The following ATF7IP variants were observed in gnomAD, a reference collection of about 807,000 sequenced individuals.
The protein encoded by ATF7IP is activating transcription factor 7-interacting protein 1.
ATF7IP carries 23 observed loss-of-function variants against 106.4 expected under a neutral mutation model. The observed-to-expected ratio is 0.22, with a 90% CI of 0.16 to 0.31. ATF7IP has a LOEUF of 0.31. Ranked by LOEUF, ATF7IP falls within the 10% of genes least tolerant of loss-of-function variation. ATF7IP has a pLI of 1.00. For missense variants in ATF7IP, 1,334 were observed against 1,524.3 expected (o/e 0.88, Z 2.08); for synonymous variants, 542 against 539.0 (o/e 1.01, Z -0.08).
chr12:14,469,362 CAAAAAAA>C (rs35509274), intron 10 of ATF7IP, among the ~76,000 whole-genome samples: 1 of 88,418 alleles, frequency 1.1e-5, no homozygotes, highest in Non-Finnish European at 2.2e-5. Flanking sequence ...GAGACTGTCT[CAAAAAAA>C]AAAAAAAAAA....
At chr12:14,386,507 G>C (rs1161272449) in intron 1 of ATF7IP, among the ~76,000 whole-genome samples, 1 of 152,098 alleles carries the variant, frequency 6.6e-6, no homozygotes, top group African/African-American at 2.4e-5. Flanking sequence ...TCTGAGTAGA[G>C]CAGCTTTCTA....
chr12:14,367,508 C>G (rs1037439279), intron 1 of ATF7IP: 4 of 152,058 alleles, frequency 2.6e-5, no homozygotes, highest in Non-Finnish European at 5.9e-5. Context: ...CCCCTTTCTA[C>G]CACATGCTAT....
intron 9 of ATF7IP, 102 bp downstream of exon 9, chr12:14,461,235 A>C: frequency 9.6e-7 from 1 of 1,038,562 alleles, no homozygotes; most frequent in East Asian, 2.6e-5. Flanking sequence ...TTGGAAGTAC[A>C]AAATAAATAG....
At chr12:14,425,565 C>T (rs186643440) in intron 2 of ATF7IP, 92 bp downstream of exon 2, 5 of 1,318,900 alleles carry the variant, frequency 3.8e-6, no homozygotes, top group Non-Finnish European at 5.0e-6. Flanking sequence ...TTTATTTTAG[C>T]TGCAGAGAAA....
chr12:14,443,997 C>G (rs891679735), intron 5 of ATF7IP, among the ~76,000 whole-genome samples: 1 of 151,712 alleles, frequency 6.6e-6, no homozygotes, highest in African/African-American at 2.4e-5. Context: ...AGGACAGAAC[C>G]AGAAAACAGG....
intron 1 of ATF7IP, chr12:14,385,368 TGAG>T: frequency 6.5e-7 from 1 of 1,533,578 alleles, no homozygotes; most frequent in Non-Finnish European, 8.7e-7. Flanking sequence ...AGTATGTCAG[TGAG>T]GAGACTTGTC....
chr12:14,470,841 GATA>G (rs1159402424), intron 10 of ATF7IP, among the ~76,000 whole-genome samples: 2 of 152,096 alleles, frequency 1.3e-5, no homozygotes, highest in Admixed American at 1.3e-4. Context: ...TGTAGTATAT[GATA>G]ATAAATTGTA....
intron 1 of ATF7IP, among the ~76,000 whole-genome samples, chr12:14,375,274 A>C (rs530830312): frequency 6.6e-6 from 1 of 151,984 alleles, no homozygotes; most frequent in African/African-American, 2.4e-5. Context: ...ATGAATTGTC[A>C]TGGGAAGATT....
At chr12:14,428,100 G>A (rs923938229) in intron 2 of ATF7IP, among the ~76,000 whole-genome samples, 2 of 151,908 alleles carry the variant, frequency 1.3e-5, no homozygotes, top group Non-Finnish European at 2.9e-5. Context: ...ACAGAGTGTG[G>A]CACTAGGCCA....
At chr12:14,490,911 C>T (rs1042938378) in intron 13 of ATF7IP, among the ~76,000 whole-genome samples, 9 of 152,184 alleles carry the variant, frequency 5.9e-5, no homozygotes, top group African/African-American at 2.2e-4. Context: ...TCTCAGGTGA[C>T]TTGATGACCC....
intron 14 of ATF7IP, among the ~76,000 whole-genome samples, chr12:14,496,660 GT>G (rs1246971297): frequency 3.3e-5 from 5 of 152,160 alleles, no homozygotes; most frequent in Non-Finnish European, 5.9e-5. Flanking sequence ...ATTTCTCCAT[GT>G]GTTAATTTTA....
chr12:14,422,537 T>G (rs1356756936), intron 1 of ATF7IP, among the ~76,000 whole-genome samples: 2 of 152,190 alleles, frequency 1.3e-5, no homozygotes, highest in Non-Finnish European at 2.9e-5. Context: ...TCCTGTACCC[T>G]TTAGCAGCTA....
In ATF7IP at chr12:14,466,518, C is replaced by G; in HGVS notation, c.2798-8C>G. The stretch of plus-strand genomic sequence containing the variant: ...ATGTTTTTAAAAATGGCTTTTTTTA[C>G]TTTTCAGAAAACCAGACAAACAAAA... On this transcript the variant is annotated splice_region_variant and splice_polypyrimidine_tract_variant and intron_variant, in intron 9 of 14. Transcript: ENST00000261168. 6.3e-7 allele frequency: 1 copy of G among 1,595,830 alleles called. No homozygotes were observed. Among genetic ancestry groups the G allele is most frequent in the Non-Finnish European group, 8.5e-7 (1 of 1,174,228 alleles).
intron 1 of ATF7IP, among the ~76,000 whole-genome samples, chr12:14,409,974 C>T (rs906363382): frequency 1.3e-5 from 2 of 152,006 alleles, no homozygotes; most frequent in South Asian, 4.1e-4. Context: ...GTGTATAATT[C>T]AGTGGTTTTC....
At chr12:14,371,246 A>G (rs1477941914) in intron 1 of ATF7IP, among the ~76,000 whole-genome samples, 1 of 152,090 alleles carries the variant, frequency 6.6e-6, no homozygotes. Context: ...TAGTGGAGGA[A>G]TGAAAAGAAG....
Position 14,456,608 on chromosome 12 carries a change from C to T in ATF7IP, c.2043C>T (p.Val681=). ...CACCAGGAAAAACTGTAAATGATGT[C>T]AACAGCAATAATAACATGTCTTACA... The part of the protein sequence containing the change: ...PVSPGKTVND[V]NSNNNMSYRN... The change falls in exon 7 of 15, where the codon GTC becomes GTT. Residue 681 remains valine, a synonymous_variant. Coordinates refer to ENST00000261168, the MANE Select transcript of ATF7IP (RefSeq NM_018179.5). 1 of 1,611,838 alleles carries T rather than the reference C, an allele frequency of 6.2e-7. No individual in the cohort carries two copies. The highest frequency in any genetic ancestry group is 8.5e-7 in the Non-Finnish European group (1 of 1,178,926).
At chr12:14,446,592 G>A (rs944443068) in intron 5 of ATF7IP, among the ~76,000 whole-genome samples, 1 of 152,158 alleles carries the variant, frequency 6.6e-6, no homozygotes, top group Non-Finnish European at 1.5e-5. Context: ...GTATTGGCAA[G>A]GGATCTTTTA....
chr12:14,481,210 C>T (rs1481992959), intron 13 of ATF7IP, 25 bp downstream of exon 13: 1 of 1,610,132 alleles, frequency 6.2e-7, no homozygotes, highest in Non-Finnish European at 8.5e-7. Context: ...TTGTATATGG[C>T]CCCAAGATAC....
At chr12:14,450,765 T>G (rs1055115089) in intron 6 of ATF7IP, among the ~76,000 whole-genome samples, 2 of 152,138 alleles carry the variant, frequency 1.3e-5, no homozygotes, top group African/African-American at 2.4e-5. Context: ...TCTTAGGTTT[T>G]TGTTTGTTAA....
Sources: allele counts gnomAD v4.1 joint callset (sites outside exome capture counted in the v4.1 genomes callset), GRCh38; gene constraint gnomAD v4.1.1; transcripts MANE v1.5; gene names NCBI Gene and HGNC (gene_info 2026-07-23, HGNC 2026-07-21).